Variants in INHBB observed in about 807,000 individuals in gnomAD.
The protein encoded by INHBB is inhibin beta B chain.
INHBB carries 8 observed loss-of-function variants against 28.9 expected under a neutral mutation model. The ratio of observed to expected loss-of-function variants is 0.28; its 90% CI spans 0.16 to 0.50. The LOEUF (loss-of-function observed/expected upper bound fraction) is 0.50. INHBB is among the 20% of genes least tolerant of loss of function. The pLI is 0.98. For missense variants in INHBB, 499 were observed against 597.8 expected (o/e 0.83, Z 1.72); for synonymous variants, 293 against 262.7 (o/e 1.12, Z -1.12).
At position 120,349,438 on chromosome 2, in the gene INHBB, T is replaced by C; in HGVS notation, c.788T>C (p.Val263Ala). The change falls in exon 2 of 2, where the codon GTG becomes GCG. Residue 263 changes from valine to alanine, a missense_variant. By Grantham distance (64) the Val-to-Ala change is moderately conservative. Transcript: ENST00000295228. The surrounding 1 kb of genome is among the most constrained non-coding windows in gnomAD (Gnocchi z 5.6). ...TGCCAGGAGCTGGCCGTGGTGCCGG[T>C]GTTCGTGGACCCAGGCGAAGAGTCG... ...DSCQELAVVP[V>A]FVDPGEESHR... 1 of 1,613,588 alleles carries C rather than the reference T, an allele frequency of 6.2e-7. No homozygotes were observed. The highest frequency in any genetic ancestry group is 1.1e-5 in the South Asian group (1 of 91,068).
rs1280300273 is a variant in INHBB at position 120,346,623 on chromosome 2, C to T, written c.435C>T (p.Ser145=). Residue 145 remains serine (S), a synonymous_variant, in exon 1 of 2, where the codon AGC becomes AGT. Coordinates refer to ENST00000295228, the MANE Select transcript of INHBB (RefSeq NM_002193.4). The part of the protein sequence containing the change: ...DGQERVSEII[S]FAETDGLASS... ...AGGAGCGCGTTTCCGAAATCATCAG[C>T]TTCGCCGAGACAGGTGGGTCCGGCC... 90 of 1,447,592 alleles carry T rather than the reference C, an allele frequency of 6.2e-5. No homozygotes were observed. Among genetic ancestry groups the T allele is most frequent in the Non-Finnish European group, 7.9e-5 (87 of 1,106,388 alleles). The allele number at this position is 1,447,592 out of a possible 1,614,324, so 89.7% of individuals were successfully genotyped here. A position where few individuals can be genotyped will look rare whatever the true frequency, so the allele number is the denominator to read the frequency against.
chr2:120,349,844 C>A lies in INHBB; in HGVS notation c.1194C>A (p.Asn398Lys). ...ACATCGTCAAGCGGGACGTGCCCAA[C>A]ATGATTGTGGAGGAGTGCGGCTGCG... ...EYNIVKRDVP[N>K]MIVEECGCA is the part of the protein sequence containing the mutation. The change falls in exon 2 of 2, where the codon AAC becomes AAA. Residue 398 changes from asparagine (N) to lysine (K), a missense_variant. By Grantham distance (94) the Asn-to-Lys change is moderately conservative. This residue lies in a region of INHBB where 114 missense variants were observed against 182.6 expected (regional missense o/e 0.62). Transcript: ENST00000295228. The surrounding 1 kb of genome is among the most constrained non-coding windows in gnomAD (Gnocchi z 5.6). 6.2e-7 allele frequency: 1 copy of A among 1,612,468 alleles called. No individual in the cohort carries two copies. The highest frequency in any genetic ancestry group is 1.1e-5 in the South Asian group (1 of 91,052).
In INHBB at chr2:120,349,004, G is replaced by GT. The variant is rs1465164979; in HGVS notation, c.449-93dup. On this transcript the variant is annotated intron_variant, in intron 1 of 1. Coordinates refer to ENST00000295228, the MANE Select transcript of INHBB (RefSeq NM_002193.4). The surrounding 1 kb of genome is among the most constrained non-coding windows in gnomAD (Gnocchi z 5.6). Reference sequence around the variant, plus strand: ...GTAACGTTTTCCAGCTGTGTGGCGAGTTGCATTCCAGCATCCTGCAGCAGA... The same window carrying GT: ...GTAACGTTTTCCAGCTGTGTGGCGAGTTTGCATTCCAGCATCCTGCAGCAGA... The GT allele has an allele frequency of 7.1e-7, 1 of 1,400,602 alleles. No homozygotes were observed. The highest frequency in any genetic ancestry group is 9.7e-7 in the Non-Finnish European group (1 of 1,031,454). The allele number at this position is 1,400,602 out of a possible 1,614,324, so 86.8% of individuals were successfully genotyped here.
Position 120,350,537 on chromosome 2 carries a change from C to G in INHBB, c.*663C>G, listed in dbSNP as rs1275918152. ...AGAAAGGACACAACCCGTCAGAGAC[C>G]TGGGAGCAGGGGCAATGACCGTTTG... On this transcript the variant is annotated 3_prime_UTR_variant, in exon 2 of 2. Coordinates refer to ENST00000295228, the MANE Select transcript of INHBB (RefSeq NM_002193.4). The G allele has an allele frequency of 2.0e-5, 3 of 148,950 alleles. No individual in the cohort carries two copies. Among genetic ancestry groups the G allele is most frequent in the African/African-American group, 4.9e-5 (2 of 40,596 alleles). 9.2% of individuals were successfully genotyped at this position (148,950 alleles called of 1,614,324 possible).
At chr2:120,348,091 C>T (rs1691192692) in intron 1 of INHBB, among the ~76,000 whole-genome samples, 1 of 151,976 alleles carries the variant, frequency 6.6e-6, no homozygotes, top group African/African-American at 2.4e-5. Context: ...TGCAGTTTCC[C>T]CCATTTCAAA....
chr2:120,346,136 C>G lies in INHBB; in HGVS notation c.-53C>G. On this transcript the variant is annotated 5_prime_UTR_variant, in exon 1 of 2. Transcript: ENST00000295228. ...GGAGCCCGGAGCCCGGCCCTGCGCTCGGCTCGACTCGGCTCGCCTCGCGGC... is the reference window on the plus strand; with the variant it reads ...GGAGCCCGGAGCCCGGCCCTGCGCTGGGCTCGACTCGGCTCGCCTCGCGGC... 1 of 1,032,146 alleles carries G rather than the reference C, an allele frequency of 9.7e-7. No individual in the cohort carries two copies. Among genetic ancestry groups the G allele is most frequent in the Non-Finnish European group, 1.2e-6 (1 of 863,286 alleles). 63.9% of individuals were successfully genotyped at this position (1,032,146 alleles called of 1,614,324 possible).
rs1412666042 is a variant in INHBB, at chr2:120,349,280, C to T, written c.630C>T (p.Asp210=). ...KVYFQEQGHG[D]RWNMVEKRVD... The stretch of plus-strand genomic sequence containing the variant: ...ACTTCCAGGAGCAGGGCCACGGTGA[C>T]AGGTGGAACATGGTGGAGAAGAGGG... The change falls in exon 2 of 2, where the codon GAC becomes GAT. Residue 210 remains aspartate (D), a synonymous_variant. Transcript: ENST00000295228. This position sits in a 1 kb window ranked among gnomAD's most constrained non-coding sequence, Gnocchi z 5.6. 6.2e-7 allele frequency: 1 copy of T among 1,614,074 alleles called. No individual in the cohort carries two copies. The highest frequency in any genetic ancestry group is 1.3e-5 in the African/African-American group (1 of 74,936).
chr2:120,349,376 C>A lies in INHBB; in HGVS notation c.726C>A (p.Gly242=), dbSNP rs750788819. 1 of 1,613,948 alleles carries A rather than the reference C, an allele frequency of 6.2e-7. No homozygotes were observed. The highest frequency in any genetic ancestry group is 8.5e-7 in the Non-Finnish European group (1 of 1,180,030). ...TEAIQALFER[G]ERRLNLDVQC... ...CCATCCAGGCCTTGTTTGAGCGGGG[C>A]GAGCGGCGACTCAACCTAGACGTGC... The change falls in exon 2 of 2, where the codon GGC becomes GGA. Residue 242 remains glycine, a synonymous_variant. Coordinates refer to ENST00000295228, the MANE Select transcript of INHBB (RefSeq NM_002193.4). The surrounding 1 kb of genome is among the most constrained non-coding windows in gnomAD (Gnocchi z 5.6).
At position 120,346,324 on chromosome 2, in the gene INHBB, G is replaced by T; in HGVS notation, c.136G>T (p.Gly46Ter). The T allele has an allele frequency of 7.5e-7, 1 of 1,337,842 alleles. No individual in the cohort carries two copies. Among genetic ancestry groups the T allele is most frequent in the Non-Finnish European group, 9.6e-7 (1 of 1,045,782 alleles). The allele number at this position is 1,337,842 out of a possible 1,614,324, so 82.9% of individuals were successfully genotyped here. ...PAAPPPPPPPGSPGGSQDTCT... is the reference protein window; with the variant it reads ...PAAPPPPPPP ...CGCGCCGCCGCCACCCCCGCCACCCGGATCCCCGGGTGGCTCGCAGGACAC... is the reference window on the plus strand; with the variant it reads ...CGCGCCGCCGCCACCCCCGCCACCCTGATCCCCGGGTGGCTCGCAGGACAC... Residue 46 changes from glycine (G) to a stop codon, truncating the protein, a stop_gained, in exon 1 of 2, where the codon GGA (glycine) becomes TGA (stop). Coordinates refer to ENST00000295228, the MANE Select transcript of INHBB (RefSeq NM_002193.4). LOFTEE classifies it high-confidence loss of function.
In INHBB at chr2:120,349,919, CG is replaced by C. The variant is rs776485748; in HGVS notation, c.*48del. ...GGTGGTGGGGCACGGAGGGCAGTCC[CG>C]GGTGGGCTTCTTCCAGCCCCCGCGG... On this transcript the variant is annotated 3_prime_UTR_variant, in exon 2 of 2. Coordinates refer to ENST00000295228, the MANE Select transcript of INHBB (RefSeq NM_002193.4). This position sits in a 1 kb window ranked among gnomAD's most constrained non-coding sequence, Gnocchi z 5.6. 36 of 1,567,250 alleles carry C rather than the reference CG, an allele frequency of 2.3e-5. No homozygotes were observed. In the African/African-American group the frequency reaches 4.6e-4, roughly 20 times the overall value.
chr2:120,349,937 C>G lies in INHBB; in HGVS notation c.*63C>G. 6.6e-7 allele frequency: 1 copy of G among 1,522,258 alleles called. No individual in the cohort carries two copies. The highest frequency in any genetic ancestry group is 8.9e-7 in the Non-Finnish European group (1 of 1,119,388). 94.3% of individuals were successfully genotyped at this position (1,522,258 alleles called of 1,614,324 possible). On this transcript the variant is annotated 3_prime_UTR_variant, in exon 2 of 2. Transcript: ENST00000295228. The surrounding 1 kb of genome is among the most constrained non-coding windows in gnomAD (Gnocchi z 5.6). The stretch of plus-strand genomic sequence containing the variant: ...GCAGTCCCGGGTGGGCTTCTTCCAG[C>G]CCCCGCGGGAACGGGGGTACACGGT...
Position 120,350,915 on chromosome 2 carries a change from G to C in INHBB, c.*1041G>C, listed in dbSNP as rs1459803532. The C allele has an allele frequency of 6.5e-6, 1 of 152,706 alleles. No individual in the cohort carries two copies. Among genetic ancestry groups the C allele is most frequent in the Non-Finnish European group, 1.5e-5 (1 of 68,086 alleles). 9.5% of individuals were successfully genotyped at this position (152,706 alleles called of 1,614,324 possible). A position where few individuals can be genotyped will look rare whatever the true frequency, so the allele number is the denominator to read the frequency against. On this transcript the variant is annotated 3_prime_UTR_variant, in exon 2 of 2. Transcript: ENST00000295228. ...GCATTCTTGAACTGCTGAGGATGGG[G>C]GGTGTCCCCTCAGCGGAGGCCAAGG... is the stretch of plus-strand genomic sequence containing the variant.
rs1302784655 is a variant in INHBB, at chr2:120,351,657, T to TA, written c.*1783_*1784insA. ...TATGATAGAATGCAGGTGTGTATCC[T>TA]TAAATCCTCATCTTTATGTTTATTT... On this transcript the variant is annotated 3_prime_UTR_variant, in exon 2 of 2. Coordinates refer to ENST00000295228, the MANE Select transcript of INHBB (RefSeq NM_002193.4). The TA allele has an allele frequency of 1.3e-5, 2 of 152,266 alleles. No individual in the cohort carries two copies. Among genetic ancestry groups the TA allele is most frequent in the Non-Finnish European group, 2.9e-5 (2 of 68,042 alleles). The allele number at this position is 152,266 out of a possible 1,614,324, so 9.4% of individuals were successfully genotyped here.
chr2:120,349,964 G>A lies in INHBB; in HGVS notation c.*90G>A, dbSNP rs1452568719. 9 of 1,288,036 alleles carry A rather than the reference G, an allele frequency of 7.0e-6. No individual in the cohort carries two copies. Among genetic ancestry groups the A allele is most frequent in the Admixed American group, 2.2e-5 (1 of 46,194 alleles). The allele number at this position is 1,288,036 out of a possible 1,614,324, so 79.8% of individuals were successfully genotyped here. A position where few individuals can be genotyped will look rare whatever the true frequency, so the allele number is the denominator to read the frequency against. The stretch of plus-strand genomic sequence containing the variant: ...CCCGCGGGAACGGGGGTACACGGTG[G>A]GCTGAGTACAGTCATTCTGTTGGGC... On this transcript the variant is annotated 3_prime_UTR_variant, in exon 2 of 2. Coordinates refer to ENST00000295228, the MANE Select transcript of INHBB (RefSeq NM_002193.4). The surrounding 1 kb of genome is among the most constrained non-coding windows in gnomAD (Gnocchi z 5.6).
Position 120,346,576 on chromosome 2 carries a change from G to A in INHBB, c.388G>A (p.Ala130Thr). ...RVEIPHLDGH[A>T]SPGADGQERV... ...GGAGATCCCGCACCTCGACGGCCAC[G>A]CCAGCCCGGGCGCCGACGGCCAGGA... The change falls in exon 1 of 2, where the codon GCC (alanine) becomes ACC (threonine). Residue 130 changes from alanine to threonine, a missense_variant. Around this residue, in one of 2 missense-constraint regions of INHBB, gnomAD observed 385 missense variants for 415.2 expected, o/e 0.93. Transcript: ENST00000295228. The A allele has an allele frequency of 6.8e-7, 1 of 1,468,654 alleles. No individual in the cohort carries two copies. Among genetic ancestry groups the A allele is most frequent in the Admixed American group, 2.5e-5 (1 of 39,810 alleles). 91.0% of individuals were successfully genotyped at this position (1,468,654 alleles called of 1,614,324 possible).
chr2:120,347,234 G>T (rs916088454), intron 1 of INHBB, among the ~76,000 whole-genome samples: 6 of 152,228 alleles, frequency 3.9e-5, no homozygotes, highest in Non-Finnish European at 8.8e-5. Context: ...CACCGGAATC[G>T]GGCGGAAGGC....
intron 1 of INHBB, among the ~76,000 whole-genome samples, chr2:120,348,420 T>A (rs1159624837): frequency 6.6e-6 from 1 of 151,686 alleles, no homozygotes; most frequent in African/African-American, 2.4e-5. Context: ...GGAGCCAGAG[T>A]CTTGTCAAAG....
Position 120,351,753 on chromosome 2 carries a change from A to G in INHBB, c.*1879A>G, listed in dbSNP as rs1691262596. ...ACAATTTTCCCATAGACTTGCTGTTAAAGTATTGTACGTTTGTGTACAGTT... is the reference window on the plus strand; with the variant it reads ...ACAATTTTCCCATAGACTTGCTGTTGAAGTATTGTACGTTTGTGTACAGTT... On this transcript the variant is annotated 3_prime_UTR_variant, in exon 2 of 2. Transcript: ENST00000295228. The G allele has an allele frequency of 6.6e-6, 1 of 152,222 alleles. No individual in the cohort carries two copies. Among genetic ancestry groups the G allele is most frequent in the Non-Finnish European group, 1.5e-5 (1 of 68,042 alleles). 9.4% of individuals were successfully genotyped at this position (152,222 alleles called of 1,614,324 possible). A position where few individuals can be genotyped will look rare whatever the true frequency, so the allele number is the denominator to read the frequency against.
Position 120,350,267 on chromosome 2 carries a change from T to G in INHBB, c.*393T>G. The G allele has an allele frequency of 4.3e-6, 1 of 230,992 alleles. No individual in the cohort carries two copies. Among genetic ancestry groups the G allele is most frequent in the Non-Finnish European group, 8.6e-6 (1 of 116,234 alleles). The allele number at this position is 230,992 out of a possible 1,614,324, so 14.3% of individuals were successfully genotyped here. On this transcript the variant is annotated 3_prime_UTR_variant, in exon 2 of 2. Transcript: ENST00000295228. ...CACCAGCTGGCCCGGCCACTCTGAA[T>G]TGCGCCTTCCGAGCACACATAAAAG...
Sources: allele counts gnomAD v4.1 joint callset (sites outside exome capture counted in the v4.1 genomes callset), GRCh38; gene constraint gnomAD v4.1.1; regional missense constraint gnomAD v4.1.1; non-coding constraint Gnocchi (gnomAD v3.1); transcripts MANE v1.5; gene names NCBI Gene and HGNC (gene_info 2026-07-23, HGNC 2026-07-21).